Variants in ADGRB3 observed in about 807,000 individuals in gnomAD.
The protein encoded by ADGRB3 is adhesion G protein-coupled receptor B3, also known as brain-specific angiogenesis inhibitor 3.
ADGRB3 carries 37 observed loss-of-function variants against 193.4 expected under a neutral mutation model. That is an observed-to-expected ratio of 0.19 (90% CI 0.15 to 0.25). The LOEUF is 0.25. ADGRB3 is among the 10% of genes least tolerant of loss of function. The pLI is 1.00. For missense variants in ADGRB3, 1,637 were observed against 1,852.9 expected, an observed-to-expected ratio of 0.88 and a Z score of 2.14; for synonymous variants, 690 against 644.2, an observed-to-expected ratio of 1.07 and a Z score of -1.08.
chr6:68,732,433 T>C (rs1344022024), intron 3 of ADGRB3, among the ~76,000 whole-genome samples: 1 of 151,898 alleles, frequency 6.6e-6, no homozygotes, highest in East Asian at 1.9e-4. Context: ...AGGAAAATTG[T>C]TTTGGTTATA....
In ADGRB3 at chr6:68,731,492, T is replaced by C. The variant is rs969833390; in HGVS notation, c.757+92060T>C. The stretch of plus-strand genomic sequence containing the variant: ...TTTAGAATATGATCCAGAATGCTGA[T>C]GGTTTTATTTAAAAGTTTGACATTT... On this transcript the variant is annotated intron_variant, in intron 3 of 31. Coordinates refer to ENST00000370598, the MANE Select transcript of ADGRB3 (RefSeq NM_001704.3). Among the ~76,000 whole-genome samples the C allele has an allele frequency of 2.0e-5, 3 of 151,634 alleles. No homozygotes were observed. In the East Asian group the frequency reaches 5.8e-4, roughly 29 times the overall value.
At chr6:69,236,363 G>A (rs1766267115) in intron 19 of ADGRB3, among the ~76,000 whole-genome samples, 1 of 151,696 alleles carries the variant, frequency 6.6e-6, no homozygotes, top group Admixed American at 6.6e-5. Context: ...TGACAAAGTG[G>A]GACAATCTGA....
At chr6:68,639,700 A>G (rs1768037339) in intron 3 of ADGRB3, among the ~76,000 whole-genome samples, 1 of 152,150 alleles carries the variant, frequency 6.6e-6, no homozygotes, top group African/African-American at 2.4e-5. Flanking sequence ...ACCTAGAGCC[A>G]GCATGCACTA....
At position 68,880,256 on chromosome 6, in the gene ADGRB3, G is replaced by A. The variant is rs151041377; in HGVS notation, c.758-50303G>A. On this transcript the variant is annotated intron_variant, in intron 3 of 31. Coordinates refer to ENST00000370598, the MANE Select transcript of ADGRB3 (RefSeq NM_001704.3). Reference sequence around the variant, plus strand: ...TCAGAATTACAGTCTGCCTCCATCTGCTAGTAATTCCTGCAGTTAAAGCCA... The same window carrying A: ...TCAGAATTACAGTCTGCCTCCATCTACTAGTAATTCCTGCAGTTAAAGCCA... Among the ~76,000 whole-genome samples the A allele has an allele frequency of 4.9e-4, 74 of 152,296 alleles. 1 individual carries two copies. Among genetic ancestry groups the A allele is most frequent in the African/African-American group, 1.7e-3 (70 of 41,554 alleles).
chr6:68,915,644 A>G (rs1486700956), intron 3 of ADGRB3, among the ~76,000 whole-genome samples: 4 of 152,180 alleles, frequency 2.6e-5, no homozygotes, highest in African/African-American at 4.8e-5. Flanking sequence ...CAATCCAACT[A>G]TAGAAAGTCT....
intron 20 of ADGRB3, among the ~76,000 whole-genome samples, chr6:69,301,972 C>G (rs1238911317): frequency 1.3e-5 from 2 of 151,774 alleles, no homozygotes; most frequent in Non-Finnish European, 2.9e-5. Flanking sequence ...TTAATGTAAG[C>G]AAAGAATGGT....
At chr6:69,300,326 A>C (rs957332699) in intron 20 of ADGRB3, among the ~76,000 whole-genome samples, 1 of 151,804 alleles carries the variant, frequency 6.6e-6, no homozygotes, top group African/African-American at 2.4e-5. Context: ...CCAACACAAT[A>C]AAGGCCATGT....
chr6:69,211,352 T>C (rs1012080800), intron 17 of ADGRB3, among the ~76,000 whole-genome samples: 1 of 152,156 alleles, frequency 6.6e-6, no homozygotes, highest in African/African-American at 2.4e-5. Flanking sequence ...TCATACAAGC[T>C]GTGGGCCATC....
At chr6:69,189,634 G>A (rs762580507) in intron 17 of ADGRB3, among the ~76,000 whole-genome samples, 13 of 152,102 alleles carry the variant, frequency 8.5e-5, no homozygotes, top group Non-Finnish European at 1.6e-4. Context: ...GAGTCTCTCA[G>A]AATTATAAAT....
intron 3 of ADGRB3, among the ~76,000 whole-genome samples, chr6:68,712,922 T>A (rs555396281): frequency 8.1e-6 from 1 of 123,316 alleles, no homozygotes; most frequent in Non-Finnish European, 2.0e-5. Context: ...ATTTTTTTTA[T>A]AAATTCATTT....
At chr6:69,120,999 C>CTTTTTTTTTTT (rs36095516) in intron 17 of ADGRB3, among the ~76,000 whole-genome samples, 1 of 123,562 alleles carries the variant, frequency 8.1e-6, no homozygotes, top group Non-Finnish European at 1.7e-5. Context: ...ATGCAGTTAT[C>CTTTTTTTTTTT]TTTTTTTTTT....
intron 11 of ADGRB3, among the ~76,000 whole-genome samples, chr6:69,007,674 C>CTG (rs1177395624): frequency 8.7e-5 from 6 of 68,756 alleles, no homozygotes; most frequent in Admixed American, 7.4e-4. Flanking sequence ...TAATCTCTCT[C>CTG]TCTCTCTCTC....
At chr6:69,186,690 A>G (rs1765077635) in intron 17 of ADGRB3, among the ~76,000 whole-genome samples, 1 of 152,160 alleles carries the variant, frequency 6.6e-6, no homozygotes. Flanking sequence ...TTTGAACCAA[A>G]AATCTGCTTC....
chr6:68,808,607 C>T (rs887211197), intron 3 of ADGRB3, among the ~76,000 whole-genome samples: 1 of 152,030 alleles, frequency 6.6e-6, no homozygotes, highest in Non-Finnish European at 1.5e-5. Context: ...ATAATCATTA[C>T]ACATTTCATA....
intron 17 of ADGRB3, among the ~76,000 whole-genome samples, chr6:69,093,733 G>A (rs1772785088): frequency 6.6e-6 from 1 of 151,780 alleles, no homozygotes; most frequent in Admixed American, 6.6e-5. Flanking sequence ...CCTAGGTTCA[G>A]GGAAAGAGAG....
At chr6:68,674,115 A>T (rs1047171284) in intron 3 of ADGRB3, among the ~76,000 whole-genome samples, 1 of 152,124 alleles carries the variant, frequency 6.6e-6, no homozygotes, top group African/African-American at 2.4e-5. Context: ...GGATATGATG[A>T]CCTTAAGACA....
At chr6:68,714,528 G>A (rs1369674005) in intron 3 of ADGRB3, among the ~76,000 whole-genome samples, 1 of 151,746 alleles carries the variant, frequency 6.6e-6, no homozygotes, top group Non-Finnish European at 1.5e-5. Flanking sequence ...TGAATATTCT[G>A]TGTACCACAA....
At chr6:69,332,052 G>A (rs1316249991) in intron 23 of ADGRB3, 8 of 985,180 alleles carry the variant, frequency 8.1e-6, no homozygotes, top group African/African-American at 1.7e-5. Flanking sequence ...CACCAAGATT[G>A]GAAAGAGGCC....
intron 17 of ADGRB3, among the ~76,000 whole-genome samples, chr6:69,138,547 A>G (rs1774219667): frequency 6.6e-6 from 1 of 152,226 alleles, no homozygotes; most frequent in Non-Finnish European, 1.5e-5. Context: ...TTTTCAAGTC[A>G]TTTGATTCTT....
Sources: allele counts gnomAD v4.1 joint callset (sites outside exome capture counted in the v4.1 genomes callset), GRCh38; gene constraint gnomAD v4.1.1; transcripts MANE v1.5; gene names NCBI Gene and HGNC (gene_info 2026-07-23, HGNC 2026-07-21).